SYNE2: variants seen among roughly 807,000 people sequenced by gnomAD.
SYNE2 encodes nesprin-2.
Under a neutral mutation model 856.3 loss-of-function variants are expected in SYNE2, and 431 were observed. The ratio of observed to expected loss-of-function variants is 0.50; its 90% CI spans 0.47 to 0.55. The LOEUF is 0.55. SYNE2 is among the 20% of genes least tolerant of loss of function. The pLI is 0.00. For missense variants in SYNE2, 8,129 were observed against 8,023.2 expected (o/e 1.01, Z -0.50); for synonymous variants, 2,923 against 2,872.3 (o/e 1.02, Z -0.56).
chr14:64,081,310 C>A (rs912621696), intron 56 of SYNE2, 133 bp from the exon 57 acceptor site: 7 of 1,059,482 alleles, frequency 6.6e-6, no homozygotes, highest in Non-Finnish European at 7.2e-6. Flanking sequence ...GAATAAGTAG[C>A]CCCAGCCATG....
Position 64,052,025 on chromosome 14 carries a change from T to G in SYNE2, c.8112T>G (p.Asp2704Glu). The change falls in exon 48 of 116, where the codon GAT becomes GAG. Residue 2704 changes from aspartate to glutamate, a missense_variant. Coordinates refer to ENST00000555002, the MANE Select transcript of SYNE2 (RefSeq NM_182914.3). ...AAAAAGAAAAGAAGAATTTGGAGGA[T>G]GGAATAAATAACTTGAAGAAACAAT... ...WGEKEKKNLE[D>E]GINNLKKQWE... The G allele has an allele frequency of 6.2e-7, 1 of 1,613,690 alleles. No individual in the cohort carries two copies. The highest frequency in any genetic ancestry group is 8.5e-7 in the Non-Finnish European group (1 of 1,179,952).
At chr14:63,775,769 G>C (rs371759524) in intron 1 of SYNE2, among the ~76,000 whole-genome samples, 5 of 152,064 alleles carry the variant, frequency 3.3e-5, no homozygotes, top group African/African-American at 1.2e-4. Flanking sequence ...TTGTTTGTTT[G>C]TTTGTTTTGT....
intron 1 of SYNE2, among the ~76,000 whole-genome samples, chr14:63,856,785 T>A (rs1891860307): frequency 6.6e-6 from 1 of 152,148 alleles, no homozygotes. Context: ...TTATTTTATT[T>A]TTTTGAGACA....
intron 79 of SYNE2, among the ~76,000 whole-genome samples, chr14:64,139,248 G>A (rs2098121799): frequency 1.3e-5 from 2 of 151,904 alleles, no homozygotes. Context: ...ACCCCAAAGT[G>A]CTGGGATTAC....
intron 99 of SYNE2, 23 bp downstream of exon 99, chr14:64,190,260 T>C: frequency 6.2e-7 from 1 of 1,613,880 alleles, no homozygotes; most frequent in Non-Finnish European, 8.5e-7. Context: ...CTAAAAATGA[T>C]TACTCTCCAG....
At chr14:64,149,833 G>A (rs987380769) in intron 84 of SYNE2, among the ~76,000 whole-genome samples, 9 of 151,954 alleles carry the variant, frequency 5.9e-5, no homozygotes, top group Admixed American at 2.0e-4. Context: ...TTAATTTGCC[G>A]GTGAAGTGGG....
intron 84 of SYNE2, among the ~76,000 whole-genome samples, chr14:64,147,774 C>G (rs140037847): frequency 6.6e-6 from 1 of 152,300 alleles, no homozygotes; most frequent in African/African-American, 2.4e-5. Context: ...AAGCAAGAGT[C>G]CATTATTTCT....
intron 66 of SYNE2, among the ~76,000 whole-genome samples, chr14:64,115,730 G>GCATC (rs1164774032): frequency 6.6e-6 from 1 of 152,126 alleles, no homozygotes; most frequent in Non-Finnish European, 1.5e-5. Flanking sequence ...ACATACAAAG[G>GCATC]CATCTTTGGC....
rs183445301 is a variant in SYNE2 at position 64,082,917 on chromosome 14, G to A, written c.11484+1337G>A. Among the ~76,000 whole-genome samples the A allele has an allele frequency of 3.4e-3, 513 of 152,268 alleles. 1 individual carries two copies. The highest frequency in any genetic ancestry group is 5.7e-3 in the Non-Finnish European group (387 of 68,018). On this transcript the variant is annotated intron_variant, in intron 57 of 115. Transcript: ENST00000555002. ...AACAAATGAAAGTGTTTTCCCACTT[G>A]AGGCCTCGGCTGCAAAACATCTTCC...
intron 51 of SYNE2, among the ~76,000 whole-genome samples, chr14:64,069,148 G>C (rs907169313): frequency 6.6e-6 from 1 of 152,160 alleles, no homozygotes; most frequent in South Asian, 2.1e-4. Flanking sequence ...TAAGCACCAA[G>C]AGGTGCCCCA....
In SYNE2 at chr14:64,027,811, A is replaced by C; in HGVS notation, c.6714+18A>C. The C allele has an allele frequency of 1.3e-6, 2 of 1,591,326 alleles. No homozygotes were observed. The highest frequency in any genetic ancestry group is 1.7e-6 in the Non-Finnish European group (2 of 1,159,284). On this transcript the variant is annotated intron_variant, in intron 43 of 115. Transcript: ENST00000555002. ...AACTGCAGGTGAGGTGGTCAAAATAATGCTTTAAATGATTGTTCTAATTAT... is the reference window on the plus strand; with the variant it reads ...AACTGCAGGTGAGGTGGTCAAAATACTGCTTTAAATGATTGTTCTAATTAT...
intron 1 of SYNE2, among the ~76,000 whole-genome samples, chr14:63,774,468 C>CAAAAAAAAAAAAAAAAAAAAA (rs748830808): frequency 1.0e-5 from 1 of 95,316 alleles, no homozygotes; most frequent in African/African-American, 4.2e-5. Context: ...GACTCCGTCT[C>CAAAAAAAAAAAAAAAAAAAAA]AAAAAAAAAA....
chr14:63,840,313 A>G (rs1164200414), intron 1 of SYNE2, among the ~76,000 whole-genome samples: 2 of 152,042 alleles, frequency 1.3e-5, no homozygotes. Flanking sequence ...TAACTGCTCC[A>G]AAATAAGCAT....
At chr14:63,856,862 C>A (rs952556136) in intron 1 of SYNE2, among the ~76,000 whole-genome samples, 1 of 152,178 alleles carries the variant, frequency 6.6e-6, no homozygotes, top group African/African-American at 2.4e-5. Context: ...GCCTCTACCT[C>A]CTGGGCCCAA....
chr14:64,056,348 A>G (rs146261763), intron 49 of SYNE2, 82 bp downstream of exon 49: 1 of 1,309,780 alleles, frequency 7.6e-7, no homozygotes, highest in East Asian at 2.5e-5. Context: ...AATAGTTTTA[A>G]GAACATAAAA....
At chr14:64,181,584 A>G (rs770775284) in intron 96 of SYNE2, among the ~76,000 whole-genome samples, 10 of 152,170 alleles carry the variant, frequency 6.6e-5, no homozygotes, top group Non-Finnish European at 8.8e-5. Context: ...ACCCGTGACC[A>G]TATTCTGAAA....
At chr14:64,110,574 G>A (rs2097797302) in intron 65 of SYNE2, among the ~76,000 whole-genome samples, 1 of 128,234 alleles carries the variant, frequency 7.8e-6, no homozygotes. Context: ...AATACTTATA[G>A]TAATACTTTT....
intron 1 of SYNE2, among the ~76,000 whole-genome samples, chr14:63,785,928 A>G (rs939705834): frequency 1.3e-5 from 2 of 152,110 alleles, no homozygotes; most frequent in Non-Finnish European, 1.5e-5. Flanking sequence ...CATCATAGCC[A>G]TACCCCATCT....
At chr14:64,218,347 C>T in intron 108 of SYNE2, 51 bp from the exon 109 acceptor site, 1 of 1,495,894 alleles carries the variant, frequency 6.7e-7, no homozygotes, top group Non-Finnish European at 9.3e-7. Flanking sequence ...AGTTGTTCTT[C>T]AGATATCCTT....
Sources: allele counts gnomAD v4.1 joint callset (sites outside exome capture counted in the v4.1 genomes callset), GRCh38; gene constraint gnomAD v4.1.1; transcripts MANE v1.5; gene names NCBI Gene and HGNC (gene_info 2026-07-23, HGNC 2026-07-21).